Variants in LYST observed in about 807,000 individuals in gnomAD.
The protein encoded by LYST is lysosomal-trafficking regulator.
A neutral mutation model predicts 413.6 loss-of-function variants in LYST; 192 were observed. The observed-to-expected ratio is 0.46, with a 90% CI of 0.41 to 0.52. The LOEUF is 0.52. Ranked by LOEUF, LYST falls within the 20% of genes least tolerant of loss-of-function variation. LYST has a pLI of 0.00. For synonymous variants in LYST, 1,525 were observed against 1,567.3 expected, an observed-to-expected ratio of 0.97 and a Z score of 0.64; for missense variants, 3,815 against 4,499.9, an observed-to-expected ratio of 0.85 and a Z score of 4.35.
chr1:235,705,883 C>T (rs1572037435), intron 44 of LYST, among the ~76,000 whole-genome samples: 1 of 152,142 alleles, frequency 6.6e-6, no homozygotes, highest in Non-Finnish European at 1.5e-5. Flanking sequence ...CCTCCACCTC[C>T]CAGGTTCAAG....
At position 235,873,620 on chromosome 1, in the gene LYST, A is replaced by T. The variant is rs184693156; in HGVS notation, n.454+9567T>A. ...CACCACTATCATTGAAAAAAGAGAGATTTGGGTCTATTATTGAGCATAATT... is the reference window on the plus strand; with the variant it reads ...CACCACTATCATTGAAAAAAGAGAGTTTTGGGTCTATTATTGAGCATAATT... On this transcript the variant is annotated intron_variant and non_coding_transcript_variant, in intron 1 of 11. Coordinates refer to the LYST transcript ENST00000465349. 1.2e-3 allele frequency among the ~76,000 whole-genome samples: 176 copies of T among 152,196 alleles called. 2 individuals are homozygous for T. The highest frequency in any genetic ancestry group is 1.8e-3 in the Non-Finnish European group (121 of 68,006).
intron 7 of LYST, 112 bp from the exon 8 acceptor site, chr1:235,803,176 A>T: frequency 1.2e-6 from 1 of 836,484 alleles, no homozygotes; most frequent in Non-Finnish European, 1.9e-6. Flanking sequence ...TGAAGAAAAA[A>T]ACTTAGTAAA....
At position 235,809,305 on chromosome 1, in the gene LYST, C is replaced by T; in HGVS notation, c.1513G>A (p.Glu505Lys). The T allele has an allele frequency of 6.2e-7, 1 of 1,614,078 alleles. No individual in the cohort carries two copies. The highest frequency in any genetic ancestry group is 1.1e-5 in the South Asian group (1 of 91,074). Residue 505 changes from glutamate (E) to lysine (K), a missense_variant, in exon 5 of 53, where the codon GAA becomes AAA. Physicochemically the swap from Glu to Lys is moderately conservative, Grantham distance 56. Transcript: ENST00000389793. The surrounding 1 kb of genome is among the most constrained non-coding windows in gnomAD (Gnocchi z 4.0). ...MCTRKRHRRC[E>K]YSHFMHHHRD... Reference sequence around the variant, plus strand: ...TGATGATGCATAAAATGAGAATATTCACATCGTCTGTGCCTTTTTCTTGTA... The same window carrying T: ...TGATGATGCATAAAATGAGAATATTTACATCGTCTGTGCCTTTTTCTTGTA...
At chr1:235,714,434 G>A (rs1662665336) in intron 42 of LYST, among the ~76,000 whole-genome samples, 1 of 152,108 alleles carries the variant, frequency 6.6e-6, no homozygotes, top group South Asian at 2.1e-4. Flanking sequence ...ACAAACATAG[G>A]AAAGCCCCTT....
chr1:235,812,350 T>C (rs767628297), intron 4 of LYST, among the ~76,000 whole-genome samples: 35 of 151,762 alleles, frequency 2.3e-4, no homozygotes, highest in South Asian at 1.5e-3. Context: ...TGTACTAAAA[T>C]GCAAAAATTA....
intron 1 of LYST, among the ~76,000 whole-genome samples, chr1:235,882,078 T>TACACA (rs1681401642): frequency 1.4e-5 from 2 of 145,732 alleles, no homozygotes; most frequent in East Asian, 2.0e-4. Flanking sequence ...ACTCTTTCTT[T>TACACA]CACACACACA....
intron 1 of LYST, among the ~76,000 whole-genome samples, chr1:235,877,698 G>T (rs995120891): frequency 2.0e-5 from 3 of 152,036 alleles, no homozygotes; most frequent in Non-Finnish European, 2.9e-5. Context: ...GAGCCACCGC[G>T]CCTGGCCGGT....
chr1:235,708,501 G>A (rs1411686425), intron 44 of LYST, among the ~76,000 whole-genome samples: 1 of 152,166 alleles, frequency 6.6e-6, no homozygotes, highest in Non-Finnish European at 1.5e-5. Flanking sequence ...TAACTGATAA[G>A]AGTGGCTTAC....
intron 1 of LYST, among the ~76,000 whole-genome samples, chr1:235,872,567 T>A (rs1680980444): frequency 6.6e-6 from 1 of 152,176 alleles, no homozygotes; most frequent in Non-Finnish European, 1.5e-5. Flanking sequence ...GGAATGAAGG[T>A]CTTATGACCT....
At position 235,715,339 on chromosome 1, in the gene LYST, G is replaced by A. The variant is rs750548491; in HGVS notation, c.9646C>T (p.Arg3216Cys). ...DTYKYLEEEY[R>C]KGAREDDPMP... ...GGGTCATCTTCTCTGGCTCCTTTGC[G>A]GTACTCTTCCTCCAAGTACTGAAAG... The change falls in exon 42 of 53, where the codon CGC becomes TGC. Residue 3216 changes from arginine (R) to cysteine (C), a missense_variant. Around this residue, in one of 4 missense-constraint regions of LYST, gnomAD observed 866 missense variants for 1,156.0 expected, o/e 0.75. Transcript: ENST00000389793. The A allele has an allele frequency of 1.8e-5, 29 of 1,613,696 alleles. No individual in the cohort carries two copies. The highest frequency in any genetic ancestry group is 5.3e-5 in the African/African-American group (4 of 74,858).
intron 1 of LYST, among the ~76,000 whole-genome samples, chr1:235,881,287 A>C (rs1681364380): frequency 1.3e-5 from 2 of 152,210 alleles, no homozygotes; most frequent in Non-Finnish European, 2.9e-5. Flanking sequence ...ACATACTTTT[A>C]CCACAGGGAA....
intron 21 of LYST, among the ~76,000 whole-genome samples, chr1:235,764,981 C>T (rs764307854): frequency 3.3e-5 from 5 of 152,104 alleles, no homozygotes; most frequent in Non-Finnish European, 5.9e-5. Flanking sequence ...TTGTCCTACC[C>T]TCCAACTAGT....
At chr1:235,776,546 C>A (rs6670720) in intron 17 of LYST, among the ~76,000 whole-genome samples, 40,532 of 151,880 alleles carry the variant, frequency 0.27, 5,687 homozygotes, top group African/African-American at 0.32. Context: ...TTTCAGCAAT[C>A]CCTGAAATAG....
intron 47 of LYST, among the ~76,000 whole-genome samples, chr1:235,692,266 G>A (rs572335806): frequency 2.0e-5 from 3 of 151,942 alleles, no homozygotes; most frequent in African/African-American, 7.2e-5. Flanking sequence ...CCGGGAGGCG[G>A]AGGTTGCAGT....
chr1:235,819,827 T>C (rs1674559142), intron 3 of LYST, among the ~76,000 whole-genome samples: 1 of 152,058 alleles, frequency 6.6e-6, no homozygotes, highest in East Asian at 1.9e-4. Flanking sequence ...TTCGTAATTT[T>C]AGTAGAGATG....
rs199704748 is a variant in LYST at position 235,809,634 on chromosome 1, C to A, written c.1184G>T (p.Arg395Leu). ...CTCAGGTAAAAGAAGGGCTCTATGA[C>A]GATACTTTGAAAACACAAAATCTTC... ...VQEDFVFSKY[R>L]HRALLLPELL... The change falls in exon 5 of 53, where the codon CGT (arginine) becomes CTT (leucine). Residue 395 changes from arginine to leucine, a missense_variant. Around this residue, in one of 4 missense-constraint regions of LYST, gnomAD observed 1,648 missense variants for 1,810.3 expected, o/e 0.91. Transcript: ENST00000389793. The surrounding 1 kb of genome is among the most constrained non-coding windows in gnomAD (Gnocchi z 4.0). 1.2e-6 allele frequency: 2 copies of A among 1,614,042 alleles called. No homozygotes were observed. The highest frequency in any genetic ancestry group is 2.2e-5 in the East Asian group (1 of 44,876).
At chr1:235,730,439 C>T (rs1664265998) in intron 36 of LYST, among the ~76,000 whole-genome samples, 1 of 151,782 alleles carries the variant, frequency 6.6e-6, no homozygotes, top group East Asian at 1.9e-4. Context: ...CTTGATGATA[C>T]CACCAGCAGC....
intron 40 of LYST, among the ~76,000 whole-genome samples, chr1:235,719,987 C>T (rs953217917): frequency 2.6e-5 from 4 of 151,772 alleles, no homozygotes; most frequent in African/African-American, 9.7e-5. Flanking sequence ...ACCATCCTGG[C>T]CAACATGGTG....
chr1:235,779,710 T>C (rs1244148447), intron 16 of LYST, among the ~76,000 whole-genome samples: 2 of 152,206 alleles, frequency 1.3e-5, no homozygotes, highest in Non-Finnish European at 2.9e-5. Context: ...GTTCATGTAC[T>C]GTAGAACATT....
Sources: gnomAD v4.1 joint callset for allele counts (sites outside exome capture counted in the v4.1 genomes callset) on GRCh38, gnomAD v4.1.1 for gene constraint, gnomAD v4.1.1 regional missense constraint, Gnocchi (gnomAD v3.1) non-coding constraint, MANE v1.5 for transcripts, NCBI Gene and HGNC (gene_info 2026-07-23, HGNC 2026-07-21) for gene names.